RAP1B: variants seen among roughly 807,000 people sequenced by gnomAD.
RAP1B encodes RAP1B, member of RAS oncogene family, also known as ras-related protein Rap-1b.
A neutral mutation model predicts 27.5 loss-of-function variants in RAP1B; 1 was observed. The observed-to-expected ratio is 0.04, with a 90% CI of 0.01 to 0.17. The LOEUF (loss-of-function observed/expected upper bound fraction) is 0.17, where lower values mean the gene tolerates loss of function less well. Among genes scored for constraint, RAP1B ranks in the 10% least tolerant of loss-of-function variants. RAP1B has a pLI of 1.00. For synonymous variants in RAP1B, 75 were observed against 73.1 expected, an observed-to-expected ratio of 1.03 and a Z score of -0.13; for missense variants, 84 against 214.8, an observed-to-expected ratio of 0.39 and a Z score of 3.81.
Position 68,667,523 on chromosome 12 carries a change from T to G in RAP1B, c.*8274T>G, listed in dbSNP as rs536815480. On this transcript the variant is annotated 3_prime_UTR_variant, in exon 8 of 8. Coordinates refer to ENST00000250559, the MANE Select transcript of RAP1B (RefSeq NM_001010942.3). ...GTGTTAGTACATTCAGCGTTAGGGT[T>G]GGGTTTCTTGTCTCTGTAATCACTT... 5.4e-4 allele frequency: 83 copies of G among 152,354 alleles called. No homozygotes were observed. The highest frequency in any genetic ancestry group is 2.0e-3 in the African/African-American group (83 of 41,570). The allele number at this position is 152,354 out of a possible 1,614,324, so 9.4% of individuals were successfully genotyped here. A position where few individuals can be genotyped will look rare whatever the true frequency, so the allele number is the denominator to read the frequency against.
rs1357716426 is a variant in RAP1B at position 68,651,997 on chromosome 12, A to G, written c.129A>G (p.Gln43=). The G allele has an allele frequency of 2.5e-6, 4 of 1,612,152 alleles. No homozygotes were observed. In the Admixed American group the frequency reaches 5.0e-5, roughly 20 times the overall value. Residue 43 remains glutamine, a splice_region_variant and synonymous_variant, in exon 4 of 8, where the codon CAA becomes CAG. Coordinates refer to ENST00000250559, the MANE Select transcript of RAP1B (RefSeq NM_001010942.3). The part of the protein sequence containing the change: ...DPTIEDSYRK[Q]VEVDAQQCML... ...ATGTATTTTAATTTTTCTACCAGCAAGTTGAAGTAGATGCACAACAGTGTA... is the reference window on the plus strand; with the variant it reads ...ATGTATTTTAATTTTTCTACCAGCAGGTTGAAGTAGATGCACAACAGTGTA...
In RAP1B at chr12:68,648,781, G is replaced by A; in HGVS notation, c.57G>A (p.Leu19=). The change falls in exon 2 of 8, where the codon TTG becomes TTA. Residue 19 remains leucine, a splice_region_variant and synonymous_variant. Transcript: ENST00000250559. ...CAGGAGGCGTTGGAAAGTCTGCTTT[G>A]GTAAGTCATTCTTACTTTACCTAAG... ...LGSGGVGKSA[L]TVQFVQGIFV... 6.2e-7 allele frequency: 1 copy of A among 1,608,610 alleles called. No homozygotes were observed. The highest frequency in any genetic ancestry group is 8.5e-7 in the Non-Finnish European group (1 of 1,178,266).
chr12:68,621,254 T>TTTA (rs1871365722), intron 1 of RAP1B, among the ~76,000 whole-genome samples: 3 of 128,262 alleles, frequency 2.3e-5, no homozygotes, highest in Non-Finnish European at 5.4e-5. Context: ...CTATATTAAA[T>TTTA]AATTAACTGG....
intron 1 of RAP1B, among the ~76,000 whole-genome samples, chr12:68,632,905 A>G (rs1012750224): frequency 2.0e-5 from 3 of 152,162 alleles, no homozygotes; most frequent in Non-Finnish European, 4.4e-5. Context: ...CCTGGCCCCA[A>G]GCAGTCCTCC....
At chr12:68,629,504 T>C (rs1224958848) in intron 1 of RAP1B, among the ~76,000 whole-genome samples, 1 of 152,254 alleles carries the variant, frequency 6.6e-6, no homozygotes, top group African/African-American at 2.4e-5. Flanking sequence ...GTGTGTATTT[T>C]AACCACTTGA....
chr12:68,647,797 C>A (rs1278880331), intron 1 of RAP1B, among the ~76,000 whole-genome samples: 1 of 152,058 alleles, frequency 6.6e-6, no homozygotes, highest in Non-Finnish European at 1.5e-5. Context: ...AAGTAAGGAA[C>A]CCTCATTAGT....
At chr12:68,659,234 A>G (rs1449199078) in intron 7 of RAP1B, 46 bp from the exon 8 acceptor site, 1 of 455,802 alleles carries the variant, frequency 2.2e-6, no homozygotes, top group African/African-American at 2.0e-5. Flanking sequence ...TTGGGTCTTT[A>G]CTTTTTCTAG....
chr12:68,621,835 AC>A (rs1215580252), intron 1 of RAP1B, among the ~76,000 whole-genome samples: 3 of 152,226 alleles, frequency 2.0e-5, no homozygotes, highest in Non-Finnish European at 4.4e-5. Flanking sequence ...AAATTTCATC[AC>A]TAAGCAGTTT....
At chr12:68,644,362 G>A (rs1336180254) in intron 1 of RAP1B, among the ~76,000 whole-genome samples, 2 of 152,046 alleles carry the variant, frequency 1.3e-5, no homozygotes, top group South Asian at 2.1e-4. Context: ...AGGCCAAGGC[G>A]GGCGGATCAG....
chr12:68,655,384 G>C (rs1874129945), intron 5 of RAP1B, among the ~76,000 whole-genome samples: 1 of 152,008 alleles, frequency 6.6e-6, no homozygotes, highest in Non-Finnish European at 1.5e-5. Flanking sequence ...GTGAGAGCTG[G>C]GAGACACCCA....
rs1454568335 is a variant in RAP1B, at chr12:68,660,541, T to C, written c.*1292T>C. The C allele has an allele frequency of 1.3e-5, 2 of 152,668 alleles. No homozygotes were observed. The highest frequency in any genetic ancestry group is 4.8e-5 in the African/African-American group (2 of 41,460). The allele number at this position is 152,668 out of a possible 1,614,324, so 9.5% of individuals were successfully genotyped here. A position where few individuals can be genotyped will look rare whatever the true frequency, so the allele number is the denominator to read the frequency against. Reference sequence around the variant, plus strand: ...ATTATAATTACTTGCCACTTGAATGTGTTTTGTGTAATGTTTTAACAGTGC... The same window carrying C: ...ATTATAATTACTTGCCACTTGAATGCGTTTTGTGTAATGTTTTAACAGTGC... On this transcript the variant is annotated 3_prime_UTR_variant, in exon 8 of 8. Coordinates refer to ENST00000250559, the MANE Select transcript of RAP1B (RefSeq NM_001010942.3).
At chr12:68,643,727 C>G (rs1475823336) in intron 1 of RAP1B, among the ~76,000 whole-genome samples, 3 of 152,092 alleles carry the variant, frequency 2.0e-5, no homozygotes, top group Non-Finnish European at 1.5e-5. Context: ...CTAAAGTCTA[C>G]TTCTTAAAAA....
In RAP1B at chr12:68,660,235, G is replaced by C. The variant is rs1874526051; in HGVS notation, c.*986G>C. 1 of 126,628 alleles carries C rather than the reference G, an allele frequency of 7.9e-6. No individual in the cohort carries two copies. Among genetic ancestry groups the C allele is most frequent in the Non-Finnish European group, 1.6e-5 (1 of 61,320 alleles). 7.8% of individuals were successfully genotyped at this position (126,628 alleles called of 1,614,324 possible). ...ACGAGTACTGTGGATGTGAATGTGG[G>C]AAGTAATTTTAATCATATGTAATTG... On this transcript the variant is annotated 3_prime_UTR_variant, in exon 8 of 8. Transcript: ENST00000250559.
At position 68,667,250 on chromosome 12, in the gene RAP1B, A is replaced by ATGG. The variant is rs1565678914; in HGVS notation, c.*8007_*8009dup. On this transcript the variant is annotated 3_prime_UTR_variant, in exon 8 of 8. Coordinates refer to ENST00000250559, the MANE Select transcript of RAP1B (RefSeq NM_001010942.3). ...AGAAAATTAGTGTTTCTGAGACCAA[A>ATGG]TGGTGGTGTTTATAAGATTTTGCTT... 1.3e-5 allele frequency: 2 copies of ATGG among 152,154 alleles called. No homozygotes were observed. Among genetic ancestry groups the ATGG allele is most frequent in the Admixed American group, 1.3e-4 (2 of 15,276 alleles). The allele number at this position is 152,154 out of a possible 1,614,324, so 9.4% of individuals were successfully genotyped here. A position where few individuals can be genotyped will look rare whatever the true frequency, so the allele number is the denominator to read the frequency against.
chr12:68,640,472 G>A (rs1592449334), intron 1 of RAP1B, among the ~76,000 whole-genome samples: 1 of 151,982 alleles, frequency 6.6e-6, no homozygotes, highest in East Asian at 1.9e-4. Context: ...CATATATTAG[G>A]TACTCATTAT....
At chr12:68,642,795 C>T in intron 1 of RAP1B, 1 of 1,035,180 alleles carries the variant, frequency 9.7e-7, no homozygotes, top group Non-Finnish European at 1.5e-6. Context: ...AAGTCATCCA[C>T]CAAACCGGCC....
intron 1 of RAP1B, among the ~76,000 whole-genome samples, chr12:68,636,413 G>C (rs530989355): frequency 6.6e-6 from 1 of 152,298 alleles, no homozygotes; most frequent in Non-Finnish European, 1.5e-5. Context: ...TAGAAGGCAA[G>C]TATAAGCACT....
intron 1 of RAP1B, chr12:68,642,419 C>T (rs1873080483): frequency 3.5e-6 from 2 of 569,768 alleles, no homozygotes; most frequent in East Asian, 6.4e-5. Context: ...TTTACTGTGC[C>T]TAAAATTATG....
At chr12:68,639,591 G>T (rs988246621) in intron 1 of RAP1B, among the ~76,000 whole-genome samples, 3 of 152,128 alleles carry the variant, frequency 2.0e-5, no homozygotes, top group African/African-American at 4.8e-5. Context: ...GAGATATGCT[G>T]CCCTGATCTG....
Sources: allele counts gnomAD v4.1 joint callset (sites outside exome capture counted in the v4.1 genomes callset), GRCh38; gene constraint gnomAD v4.1.1; transcripts MANE v1.5; gene names NCBI Gene and HGNC (gene_info 2026-07-23, HGNC 2026-07-21).